Variants in RAPGEF4 observed in about 807,000 individuals in gnomAD.
RAPGEF4 encodes the protein RAP guanine-nucleotide-exchange factor (GEF) 4.
A neutral mutation model predicts 147.9 loss-of-function variants in RAPGEF4; 66 were observed. The observed-to-expected ratio is 0.45, with a 90% CI of 0.37 to 0.55. The LOEUF is 0.55. Among genes scored for constraint, RAPGEF4 ranks in the 20% least tolerant of loss-of-function variants. The pLI is 0.00. For missense variants in RAPGEF4, 1,071 were observed against 1,257.3 expected, an observed-to-expected ratio of 0.85 and a Z score of 2.24; for synonymous variants, 419 against 442.7, an observed-to-expected ratio of 0.95 and a Z score of 0.67.
At chr2:173,030,030 A>C (rs1575562223) in intron 25 of RAPGEF4, 134 bp from the exon 26 acceptor site, 1 of 605,304 alleles carries the variant, frequency 1.7e-6, no homozygotes, top group Non-Finnish European at 2.9e-6. Context: ...TTTACAGTAC[A>C]TTAAATCTAT....
chr2:172,966,968 C>T (rs1689904008), intron 9 of RAPGEF4: 1 of 253,724 alleles, frequency 3.9e-6, no homozygotes, highest in East Asian at 7.9e-5. Context: ...ATCAGGAAGA[C>T]GATTTCTGCA....
chr2:172,827,385 T>C (rs1350799289), intron 4 of RAPGEF4, among the ~76,000 whole-genome samples: 1 of 152,134 alleles, frequency 6.6e-6, no homozygotes, highest in Non-Finnish European at 1.5e-5. Context: ...GTCTGAAACA[T>C]CTGACTTTAC....
chr2:173,051,876 C>A lies in RAPGEF4; in HGVS notation c.*109C>A. 1.5e-6 allele frequency: 2 copies of A among 1,333,606 alleles called. No individual in the cohort carries two copies. Among genetic ancestry groups the A allele is most frequent in the Admixed American group, 2.0e-5 (1 of 50,196 alleles). The allele number at this position is 1,333,606 out of a possible 1,614,324, so 82.6% of individuals were successfully genotyped here. A position where few individuals can be genotyped will look rare whatever the true frequency, so the allele number is the denominator to read the frequency against. ...CCACTAGAGAATTCTACAAAACAAG[C>A]AAAAACACATCCTGAGACACCTCAG... On this transcript the variant is annotated 3_prime_UTR_variant, in exon 31 of 31. Coordinates refer to ENST00000397081, the MANE Select transcript of RAPGEF4 (RefSeq NM_007023.4).
At chr2:172,942,781 C>T (rs186792155) in intron 6 of RAPGEF4, among the ~76,000 whole-genome samples, 1 of 152,210 alleles carries the variant, frequency 6.6e-6, no homozygotes, top group Admixed American at 6.6e-5. Flanking sequence ...TTTAACCTAA[C>T]ACATCCAAAA....
At chr2:172,991,029 A>T in intron 15 of RAPGEF4, 104 bp downstream of exon 15, 1 of 846,640 alleles carries the variant, frequency 1.2e-6, no homozygotes, top group Non-Finnish European at 1.9e-6. Context: ...GGAAGATGGC[A>T]GTGTATGTGA....
At chr2:172,945,949 C>A (rs1219983919) in intron 6 of RAPGEF4, among the ~76,000 whole-genome samples, 1 of 152,096 alleles carries the variant, frequency 6.6e-6, no homozygotes, top group Non-Finnish European at 1.5e-5. Context: ...TAATCCCTGG[C>A]CTGGGTTTTC....
At chr2:172,902,508 G>A (rs1398407679) in intron 4 of RAPGEF4, among the ~76,000 whole-genome samples, 1 of 151,980 alleles carries the variant, frequency 6.6e-6, no homozygotes, top group African/African-American at 2.4e-5. Context: ...TCACCATGTT[G>A]GCCAGGCTGG....
intron 8 of RAPGEF4, among the ~76,000 whole-genome samples, chr2:172,963,921 C>G (rs1457565981): frequency 6.6e-6 from 1 of 152,198 alleles, no homozygotes; most frequent in East Asian, 1.9e-4. Context: ...ATTCCATCAG[C>G]TGCAAGTAGC....
rs773168639 is a variant in RAPGEF4 at position 173,001,362 on chromosome 2, T to C, written c.1658+18T>C. 2.5e-6 allele frequency: 4 copies of C among 1,613,682 alleles called. No individual in the cohort carries two copies. In the South Asian group the frequency reaches 4.4e-5, roughly 18 times the overall value. On this transcript the variant is annotated intron_variant, in intron 17 of 30. Transcript: ENST00000397081. ...GTGGCCCAATATCCTTTTATTGTGA[T>C]TGTAAGTCCCTATTCCCTCGAAGAC...
intron 16 of RAPGEF4, among the ~76,000 whole-genome samples, chr2:172,996,848 A>T (rs997643984): frequency 3.3e-5 from 5 of 152,106 alleles, no homozygotes; most frequent in Admixed American, 3.3e-4. Flanking sequence ...TTCTATAGGC[A>T]TCTATTGGGT....
chr2:172,838,776 G>T (rs1330766785), intron 4 of RAPGEF4, among the ~76,000 whole-genome samples: 1 of 152,110 alleles, frequency 6.6e-6, no homozygotes, highest in Non-Finnish European at 1.5e-5. Context: ...TCTGAAGTGT[G>T]ATCTTACATA....
chr2:173,050,543 G>T (rs1036942596), intron 30 of RAPGEF4, among the ~76,000 whole-genome samples: 10 of 152,098 alleles, frequency 6.6e-5, no homozygotes, highest in Non-Finnish European at 1.5e-5. Flanking sequence ...AGTGTACTGT[G>T]GTGGAAACCC....
chr2:173,040,679 C>T (rs1455694005), intron 29 of RAPGEF4, among the ~76,000 whole-genome samples: 3 of 152,234 alleles, frequency 2.0e-5, no homozygotes, highest in African/African-American at 7.2e-5. Flanking sequence ...CAATCTCCTA[C>T]ATCTTCACCC....
intron 1 of RAPGEF4, among the ~76,000 whole-genome samples, chr2:172,792,545 T>C (rs535052318): frequency 1.3e-5 from 2 of 152,252 alleles, no homozygotes; most frequent in East Asian, 3.9e-4. Flanking sequence ...TAGGGGTTTG[T>C]TGGGAGGCCA....
intron 17 of RAPGEF4, among the ~76,000 whole-genome samples, chr2:173,004,165 C>T (rs1694219288): frequency 6.6e-6 from 1 of 152,102 alleles, no homozygotes; most frequent in South Asian, 2.1e-4. Flanking sequence ...GTGTCTCTTC[C>T]AGTTTTGCTT....
intron 4 of RAPGEF4, among the ~76,000 whole-genome samples, chr2:172,840,684 G>T (rs570243008): frequency 1.3e-5 from 2 of 152,172 alleles, no homozygotes; most frequent in Admixed American, 6.5e-5. Context: ...TTTATTTAAG[G>T]TGAATATTAT....
At chr2:172,870,395 G>C (rs189245562) in intron 4 of RAPGEF4, among the ~76,000 whole-genome samples, 1 of 152,138 alleles carries the variant, frequency 6.6e-6, no homozygotes, top group Non-Finnish European at 1.5e-5. Flanking sequence ...TTTTGAATAA[G>C]GACCCAACTA....
chr2:172,940,071 C>G (rs1559134249), intron 6 of RAPGEF4, among the ~76,000 whole-genome samples: 2 of 151,974 alleles, frequency 1.3e-5, no homozygotes. Context: ...GTAACTATGA[C>G]AGTTTTAAGA....
intron 10 of RAPGEF4, among the ~76,000 whole-genome samples, chr2:172,972,732 G>A (rs1187911510): frequency 3.9e-5 from 6 of 152,190 alleles, no homozygotes. Flanking sequence ...GAGAGGGGAG[G>A]ATGAACTTAG....
Sources: allele counts gnomAD v4.1 joint callset (sites outside exome capture counted in the v4.1 genomes callset), GRCh38; gene constraint gnomAD v4.1.1; transcripts MANE v1.5; gene names NCBI Gene and HGNC (gene_info 2026-07-23, HGNC 2026-07-21).